Variants in PCDH15 observed in about 807,000 individuals in gnomAD.
PCDH15 encodes the protein protocadherin-15.
PCDH15 carries 129 observed loss-of-function variants against 178.5 expected under a neutral mutation model. The ratio of observed to expected loss-of-function variants is 0.72; its 90% CI spans 0.63 to 0.84. The LOEUF is 0.84. Among genes scored for constraint, PCDH15 ranks in the 40% least tolerant of loss-of-function variants. The pLI is 0.00. For missense variants in PCDH15, 2,230 were observed against 2,099.9 expected (o/e 1.06, Z -1.21); for synonymous variants, 800 against 732.0 (o/e 1.09, Z -1.50).
At chr10:54,462,515 T>TTTTC (rs2077247152) in intron 3 of PCDH15, among the ~76,000 whole-genome samples, 3 of 43,806 alleles carry the variant, frequency 6.8e-5, no homozygotes, top group African/African-American at 1.7e-4. Flanking sequence ...TTCTTTTCTT[T>TTTTC]TTTTTTTTTT....
intron 1 of PCDH15, among the ~76,000 whole-genome samples, chr10:54,733,277 G>T (rs368057256): frequency 1.3e-5 from 2 of 151,486 alleles, no homozygotes; most frequent in East Asian, 1.9e-4. Flanking sequence ...AATAGCAAAA[G>T]AATTTAGTAA....
intron 3 of PCDH15, among the ~76,000 whole-genome samples, chr10:54,843,839 G>C (rs1953459800): frequency 6.6e-6 from 1 of 151,986 alleles, no homozygotes; most frequent in South Asian, 2.1e-4. Context: ...TGAGTCCCCA[G>C]TTGGAAAATA....
chr10:54,173,975 G>T (rs2047163089), intron 13 of PCDH15, among the ~76,000 whole-genome samples: 1 of 152,070 alleles, frequency 6.6e-6, no homozygotes. Context: ...CATCACTGTG[G>T]GAGCATCATA....
intron 2 of PCDH15, among the ~76,000 whole-genome samples, chr10:55,439,653 C>A (rs565584179): frequency 2.7e-5 from 4 of 149,748 alleles, no homozygotes; most frequent in African/African-American, 7.4e-5. Flanking sequence ...AATATGGTGA[C>A]AAAATAGAAA....
chr10:54,228,435 A>C (rs986769166), intron 9 of PCDH15, among the ~76,000 whole-genome samples: 4 of 152,022 alleles, frequency 2.6e-5, no homozygotes, highest in Non-Finnish European at 5.9e-5. Context: ...ATTACCTCCC[A>C]CCTTGTCCCT....
intron 11 of PCDH15, among the ~76,000 whole-genome samples, chr10:54,191,588 C>T (rs932262461): frequency 6.6e-6 from 1 of 152,024 alleles, no homozygotes; most frequent in Non-Finnish European, 1.5e-5. Context: ...CTTAAATTTT[C>T]TTCTCTAGAG....
intron 1 of PCDH15, among the ~76,000 whole-genome samples, chr10:55,239,276 C>T (rs1357137311): frequency 6.6e-6 from 1 of 152,064 alleles, no homozygotes; most frequent in Non-Finnish European, 1.5e-5. Context: ...TTGATGGACC[C>T]ATAGACTGAT....
chr10:55,461,539 T>G (rs899580762), intron 2 of PCDH15, among the ~76,000 whole-genome samples: 4 of 151,872 alleles, frequency 2.6e-5, no homozygotes, highest in Admixed American at 6.6e-5. Flanking sequence ...AGACACAGAA[T>G]TTGATCTTAT....
At chr10:54,336,306 A>G (rs1941110050) in intron 6 of PCDH15, among the ~76,000 whole-genome samples, 2 of 152,146 alleles carry the variant, frequency 1.3e-5, no homozygotes, top group Non-Finnish European at 2.9e-5. Context: ...TGCATAAGTA[A>G]TGAGGAACCA....
At chr10:54,130,597 T>C (rs773259545) in intron 15 of PCDH15, among the ~76,000 whole-genome samples, 2 of 151,996 alleles carry the variant, frequency 1.3e-5, no homozygotes, top group Non-Finnish European at 2.9e-5. Context: ...TTGGATACCA[T>C]AAAAGGCCCG....
intron 2 of PCDH15, among the ~76,000 whole-genome samples, chr10:55,404,648 G>C (rs1838155400): frequency 6.6e-6 from 1 of 151,836 alleles, no homozygotes; most frequent in Non-Finnish European, 1.5e-5. Context: ...ATTTCTAATG[G>C]CAAATATCTG....
intron 1 of PCDH15, among the ~76,000 whole-genome samples, chr10:55,243,048 A>AT (rs1189167946): frequency 1.3e-5 from 2 of 152,050 alleles, no homozygotes; most frequent in Non-Finnish European, 2.9e-5. Context: ...TTGCTTATAG[A>AT]TTTTTTTTCA....
chr10:54,145,528 G>A (rs907875579), intron 14 of PCDH15, among the ~76,000 whole-genome samples: 3 of 152,034 alleles, frequency 2.0e-5, no homozygotes, highest in African/African-American at 7.2e-5. Context: ...ATCTACAAGA[G>A]CAAAAACTTC....
At chr10:55,304,102 G>A (rs972291328) in intron 1 of PCDH15, among the ~76,000 whole-genome samples, 1 of 151,946 alleles carries the variant, frequency 6.6e-6, no homozygotes, top group Non-Finnish European at 1.5e-5. Context: ...TAGTAACTGT[G>A]CAGCAAGAGA....
At chr10:55,377,455 T>C (rs570638606) in intron 2 of PCDH15, among the ~76,000 whole-genome samples, 1 of 152,004 alleles carries the variant, frequency 6.6e-6, no homozygotes, top group East Asian at 1.9e-4. Flanking sequence ...AATTTTGATT[T>C]GCGTATTCTA....
rs1837867641 is a variant in PCDH15, at chr10:54,934,906, A to T, written c.-79-37406T>A. ...ATGGAATACTATGCAGCCATAAAAA[A>T]GGATGAGTTCATGTCCTTTGAAGGG... On this transcript the variant is annotated intron_variant, in intron 2 of 5. Transcript: ENST00000458638. 2.0e-5 allele frequency among the ~76,000 whole-genome samples: 3 copies of T among 152,274 alleles called. No individual in the cohort carries two copies. The South Asian group carries it at 6.2e-4, about 32-fold the overall frequency.
intron 1 of PCDH15, among the ~76,000 whole-genome samples, chr10:55,288,931 A>AT (rs1564971965): frequency 1.3e-5 from 2 of 151,148 alleles, no homozygotes; most frequent in South Asian, 2.1e-4. Context: ...TCTATTTTTA[A>AT]TTTTTTTGAA....
At chr10:54,066,583 C>T (rs1199003316) in intron 18 of PCDH15, among the ~76,000 whole-genome samples, 174 bp downstream of exon 18, 1 of 151,940 alleles carries the variant, frequency 6.6e-6, no homozygotes, top group Non-Finnish European at 1.5e-5. Flanking sequence ...AATCTGTATC[C>T]TTGAAAGTTA....
intron 2 of PCDH15, among the ~76,000 whole-genome samples, chr10:54,657,242 G>C (rs2094422507): frequency 1.3e-5 from 2 of 152,202 alleles, no homozygotes; most frequent in African/African-American, 4.8e-5. Context: ...ACAGCGGCAT[G>C]ATAGGGAAGC....
Sources: gnomAD v4.1 joint callset for allele counts (sites outside exome capture counted in the v4.1 genomes callset) on GRCh38, gnomAD v4.1.1 for gene constraint, MANE v1.5 for transcripts, NCBI Gene and HGNC (gene_info 2026-07-23, HGNC 2026-07-21) for gene names.